GTPBP1: variants seen among roughly 807,000 people sequenced by gnomAD.
GTPBP1 encodes GTP binding protein 1.
In GTPBP1, 23 loss-of-function variants were observed where a neutral mutation model predicts 62.0. The ratio of observed to expected loss-of-function variants is 0.37; its 90% CI spans 0.27 to 0.53. The LOEUF (loss-of-function observed/expected upper bound fraction) is 0.53. Among genes scored for constraint, GTPBP1 ranks in the 20% least tolerant of loss-of-function variants. GTPBP1 has a pLI of 0.89. For synonymous variants in GTPBP1, 344 were observed against 364.4 expected (o/e 0.94, Z 0.64); for missense variants, 640 against 917.3 (o/e 0.70, Z 3.90).
At chr22:38,725,968 C>T in intron 6 of GTPBP1, 38 bp from the exon 7 acceptor site, 1 of 1,607,306 alleles carries the variant, frequency 6.2e-7, no homozygotes. Context: ...TCCTGAGTGC[C>T]TCTCTCCTTT....
Position 38,732,696 on chromosome 22 carries a change from T to G in GTPBP1, c.*1992T>G, listed in dbSNP as rs1475327645. The stretch of plus-strand genomic sequence containing the variant: ...CCGCCCCTGAGGTCGATGTTTGTTC[T>G]GTTTTTCTTTTTCTTTTTTGAGACG... On this transcript the variant is annotated 3_prime_UTR_variant, in exon 12 of 12. Transcript: ENST00000216044. The G allele has an allele frequency of 6.6e-6, 1 of 152,410 alleles. No individual in the cohort carries two copies. Among genetic ancestry groups the G allele is most frequent in the Non-Finnish European group, 1.5e-5 (1 of 68,186 alleles). The allele number at this position is 152,410 out of a possible 1,614,324, so 9.4% of individuals were successfully genotyped here.
downstream of GTPBP1, chr22:38,738,196 G>T (rs367828475): frequency 1.9e-5 from 30 of 1,613,796 alleles, no homozygotes; most frequent in Non-Finnish European, 2.5e-5. The surrounding 1 kb of genome is among the most constrained non-coding windows in gnomAD (Gnocchi z 6.6). Flanking sequence ...GTCTGAATAG[G>T]CTCGCCGTCC....
downstream of GTPBP1, chr22:38,740,274 C>T (rs1371797768): frequency 1.8e-5 from 28 of 1,589,972 alleles, no homozygotes; most frequent in Middle Eastern, 2.1e-4. This position sits in a 1 kb window ranked among gnomAD's most constrained non-coding sequence, Gnocchi z 4.8. Flanking sequence ...CACGTCGTCC[C>T]GCACGGCCTG....
chr22:38,741,547 C>T, downstream of GTPBP1: 2 of 1,614,102 alleles, frequency 1.2e-6, no homozygotes, highest in Non-Finnish European at 1.7e-6. Context: ...TGCTGATGCT[C>T]TGCTCTCAGG....
chr22:38,728,279 G>GGCCACACCTCA, intron 10 of GTPBP1, 118 bp downstream of exon 10: 1 of 726,776 alleles, frequency 1.4e-6, no homozygotes, highest in Non-Finnish European at 2.3e-6. Context: ...GACCCACTGA[G>GGCCACACCTCA]GTGTGGCCTC....
chr22:38,729,731 G>A, intron 11 of GTPBP1, 69 bp downstream of exon 11: 1 of 1,235,504 alleles, frequency 8.1e-7, no homozygotes, highest in Non-Finnish European at 1.1e-6. Context: ...ATTCGGTGAG[G>A]GTGACATGTA....
At position 38,730,814 on chromosome 22, in the gene GTPBP1, C is replaced by T. The variant is rs772114171; in HGVS notation, c.*110C>T. The stretch of plus-strand genomic sequence containing the variant: ...CCACCCAGCCCTCCCGCTCAGGCCA[C>T]AGCCGGAGCCTCCGCATTGCCCCCA... On this transcript the variant is annotated 3_prime_UTR_variant, in exon 12 of 12. Transcript: ENST00000216044. This position sits in a 1 kb window ranked among gnomAD's most constrained non-coding sequence, Gnocchi z 5.6. The T allele has an allele frequency of 1.6e-6, 1 of 612,674 alleles. No individual in the cohort carries two copies. Among genetic ancestry groups the T allele is most frequent in the Non-Finnish European group, 2.8e-6 (1 of 359,230 alleles). 38.0% of individuals were successfully genotyped at this position (612,674 alleles called of 1,614,324 possible).
chr22:38,741,700 T>A, downstream of GTPBP1: 1 of 801,014 alleles, frequency 1.2e-6, no homozygotes, highest in Non-Finnish European at 2.1e-6. Context: ...CTCAGCCTTC[T>A]CTGAACCACG....
Position 38,727,136 on chromosome 22 carries a change from C to T in GTPBP1, c.1402-77C>T. On this transcript the variant is annotated intron_variant, in intron 8 of 11. Coordinates refer to ENST00000216044, the MANE Select transcript of GTPBP1 (RefSeq NM_004286.5). The surrounding 1 kb of genome is among the most constrained non-coding windows in gnomAD (Gnocchi z 6.5). ...GGGGTGGTCCCTATCCCTAGAAAGA[C>T]TCTTGGTCCCTGGGACCAGGGGTGA... 1 of 1,394,904 alleles carries T rather than the reference C, an allele frequency of 7.2e-7. No homozygotes were observed. The allele number at this position is 1,394,904 out of a possible 1,614,324, so 86.4% of individuals were successfully genotyped here. A position where few individuals can be genotyped will look rare whatever the true frequency, so the allele number is the denominator to read the frequency against.
At chr22:38,742,274 C>T, downstream of GTPBP1, 1 of 1,567,098 alleles carries the variant, frequency 6.4e-7, no homozygotes, top group South Asian at 1.2e-5. Flanking sequence ...TCACCCACCT[C>T]CCACCCTGAG....
At position 38,730,577 on chromosome 22, in the gene GTPBP1, G is replaced by A. The variant is rs768192132; in HGVS notation, c.1918-35G>A. ...TGCTCTCTGGCCCTGCTCCTGATGG[G>A]CCAGTGCTTCTCAAGCTCCTTCTCT... On this transcript the variant is annotated intron_variant, in intron 11 of 11. Coordinates refer to ENST00000216044, the MANE Select transcript of GTPBP1 (RefSeq NM_004286.5). This position sits in a 1 kb window ranked among gnomAD's most constrained non-coding sequence, Gnocchi z 5.6. 12 of 1,389,234 alleles carry A rather than the reference G, an allele frequency of 8.6e-6. No individual in the cohort carries two copies. The highest frequency in any genetic ancestry group is 1.1e-5 in the Non-Finnish European group (11 of 984,066). The allele number at this position is 1,389,234 out of a possible 1,614,324, so 86.1% of individuals were successfully genotyped here.
In GTPBP1 at chr22:38,707,898, C is replaced by T. The variant is rs369833932; in HGVS notation, c.193-947C>T. ...AGGAACAGATTAGAAGCGAAAGGTT[C>T]ATGTCCTTACGATAGAAAATGTGGA... On this transcript the variant is annotated intron_variant, in intron 1 of 11. Transcript: ENST00000216044. Among the ~76,000 whole-genome samples, 9 of 152,246 alleles carry T rather than the reference C, an allele frequency of 5.9e-5. No individual in the cohort carries two copies. In the East Asian group the frequency reaches 9.7e-4, roughly 16 times the overall value.
At chr22:38,728,903 G>A (rs2092740947) in intron 10 of GTPBP1, 1 of 152,754 alleles carries the variant, frequency 6.5e-6, no homozygotes, top group Non-Finnish European at 1.5e-5. Context: ...TTTCAAGTCA[G>A]TTACTTCTGG....
chr22:38,723,169 A>G (rs1377739924), intron 5 of GTPBP1: 12 of 842,084 alleles, frequency 1.4e-5, no homozygotes, highest in Middle Eastern at 3.1e-4. Context: ...TAAAAGCAAC[A>G]GTTTCTGTAG....
chr22:38,726,534 G>A lies in GTPBP1; in HGVS notation c.1401+94G>A. ...CTCACCCACTCTAGTCCTCATGGCT[G>A]CTCTGCAAGGTCGGGATTACTGGCT... On this transcript the variant is annotated intron_variant, in intron 8 of 11. Coordinates refer to ENST00000216044, the MANE Select transcript of GTPBP1 (RefSeq NM_004286.5). The surrounding 1 kb of genome is among the most constrained non-coding windows in gnomAD (Gnocchi z 4.1). 1 of 1,074,618 alleles carries A rather than the reference G, an allele frequency of 9.3e-7. No individual in the cohort carries two copies. The highest frequency in any genetic ancestry group is 1.4e-6 in the Non-Finnish European group (1 of 720,222). The allele number at this position is 1,074,618 out of a possible 1,614,324, so 66.6% of individuals were successfully genotyped here.
At chr22:38,709,432 A>C (rs759708613) in intron 2 of GTPBP1, among the ~76,000 whole-genome samples, 35 of 152,160 alleles carry the variant, frequency 2.3e-4, no homozygotes, top group Non-Finnish European at 5.0e-4. Flanking sequence ...GTTAATTCTG[A>C]CCTTAGTGGC....
At chr22:38,720,461 C>A (rs561799636) in intron 4 of GTPBP1, among the ~76,000 whole-genome samples, 2 of 151,610 alleles carry the variant, frequency 1.3e-5, no homozygotes, top group African/African-American at 2.4e-5. Flanking sequence ...AATTCCTGAC[C>A]TCAGGTGATT....
downstream of GTPBP1, chr22:38,738,707 G>A: frequency 6.2e-7 from 1 of 1,613,722 alleles, no homozygotes; most frequent in Non-Finnish European, 8.5e-7. The surrounding 1 kb of genome is among the most constrained non-coding windows in gnomAD (Gnocchi z 6.6). Flanking sequence ...CCACGGCGAA[G>A]CCTTGTGGCC....
At position 38,730,515 on chromosome 22, in the gene GTPBP1, C is replaced by A; in HGVS notation, c.1918-97C>A. 1.2e-6 allele frequency: 1 copy of A among 844,318 alleles called. No individual in the cohort carries two copies. Among genetic ancestry groups the A allele is most frequent in the Non-Finnish European group, 2.0e-6 (1 of 504,426 alleles). 52.3% of individuals were successfully genotyped at this position (844,318 alleles called of 1,614,324 possible). ...GTGAGGACCACGCAGCCTGCTCACG[C>A]ATCTTCCGTCCCTGTCTCCCCGCTG... On this transcript the variant is annotated intron_variant, in intron 11 of 11. Transcript: ENST00000216044. This position sits in a 1 kb window ranked among gnomAD's most constrained non-coding sequence, Gnocchi z 5.6.
Sources: allele counts gnomAD v4.1 joint callset (sites outside exome capture counted in the v4.1 genomes callset), GRCh38; gene constraint gnomAD v4.1.1; non-coding constraint Gnocchi (gnomAD v3.1); transcripts MANE v1.5; gene names NCBI Gene and HGNC (gene_info 2026-07-23, HGNC 2026-07-21).